CD46: variants seen among roughly 807,000 people sequenced by gnomAD.
CD46 encodes the protein CD46 molecule, also known as membrane cofactor protein.
In CD46, 30 loss-of-function variants were observed where a neutral mutation model predicts 53.3. The ratio of observed to expected loss-of-function variants is 0.56; its 90% CI spans 0.42 to 0.76. The LOEUF (loss-of-function observed/expected upper bound fraction) is 0.76, where lower values mean the gene tolerates loss of function less well. CD46 is among the 30% of genes least tolerant of loss of function. The pLI is 0.00. For missense variants in CD46, 409 were observed against 463.0 expected, an observed-to-expected ratio of 0.88 and a Z score of 1.07; for synonymous variants, 142 against 152.0, an observed-to-expected ratio of 0.93 and a Z score of 0.48.
rs1449372750 is a variant in CD46, at chr1:207,789,867, C to G, written c.1083-386C>G. On this transcript the variant is annotated intron_variant, in intron 11 of 12. Coordinates refer to ENST00000367042, the MANE Select transcript of CD46 (RefSeq NM_172351.3). The stretch of plus-strand genomic sequence containing the variant: ...TGGGCAACATAGTGAGATGCTGTGT[C>G]TTGAAAAAAAAAAAAAAAAAAAAAA... 8.8e-5 allele frequency among the ~76,000 whole-genome samples: 6 copies of G among 68,344 alleles called. No individual in the cohort carries two copies. In the Admixed American group the frequency reaches 1.5e-3, roughly 18 times the overall value. The allele number at this position is 68,344 out of a possible 152,430, so 44.8% of individuals were successfully genotyped here.
At position 207,767,663 on chromosome 1, in the gene CD46, T is replaced by A. The variant is rs369069730; in HGVS notation, c.857-116T>A. ...TTTGAGTCATTCAGGTTTAGTAGCT[T>A]CTTCCTTATATGTCTTCTTCCTTAT... On this transcript the variant is annotated intron_variant, in intron 6 of 12. Coordinates refer to ENST00000367042, the MANE Select transcript of CD46 (RefSeq NM_172351.3). 2.0e-5 allele frequency: 33 copies of A among 1,610,844 alleles called. No individual in the cohort carries two copies. In the African/African-American group the frequency reaches 3.9e-4, roughly 19 times the overall value.
intron 8 of CD46, among the ~76,000 whole-genome samples, chr1:207,781,346 A>G (rs1658715460): frequency 6.6e-6 from 1 of 151,958 alleles, no homozygotes; most frequent in African/African-American, 2.4e-5. Flanking sequence ...TTCCTTATCA[A>G]ATATATGATT....
intron 7 of CD46, chr1:207,769,882 C>G (rs1026966193): frequency 1.2e-5 from 2 of 170,564 alleles, no homozygotes; most frequent in South Asian, 2.7e-4. Context: ...CCTGCCACCT[C>G]AGACTCCCAA....
chr1:207,762,658 T>C (rs1253927707), intron 5 of CD46: 1 of 152,504 alleles, frequency 6.6e-6, no homozygotes, highest in African/African-American at 2.4e-5. Flanking sequence ...CTTTTAGAAG[T>C]TCCAGCTTTA....
rs778489685 is a variant in CD46 at position 207,793,586 on chromosome 1, G to C, written c.*109G>C. The stretch of plus-strand genomic sequence containing the variant: ...ATCAACCACTCCAGCAGAGCAGAGA[G>C]GCTGAATAGATTCCACAACCTGGTT... On this transcript the variant is annotated 3_prime_UTR_variant, in exon 13 of 13. Transcript: ENST00000367042. The C allele has an allele frequency of 6.2e-7, 1 of 1,613,662 alleles. No homozygotes were observed. Among genetic ancestry groups the C allele is most frequent in the Non-Finnish European group, 8.5e-7 (1 of 1,179,566 alleles).
At position 207,783,237 on chromosome 1, in the gene CD46, A is replaced by T. The variant is rs1658950221; in HGVS notation, c.944-55A>T. On this transcript the variant is annotated intron_variant, in intron 8 of 12. Coordinates refer to ENST00000367042, the MANE Select transcript of CD46 (RefSeq NM_172351.3). ...GAGTTTAAAGGATTTTAAGCTTTAT[A>T]TTTAATTCTTTCCTTCTTTTATTAA... The T allele has an allele frequency of 3.1e-6, 3 of 959,824 alleles. No homozygotes were observed. In the Admixed American group the frequency reaches 5.2e-5, roughly 17 times the overall value. 59.5% of individuals were successfully genotyped at this position (959,824 alleles called of 1,614,324 possible).
At chr1:207,756,524 G>A (rs988959114) in intron 1 of CD46, among the ~76,000 whole-genome samples, 7 of 152,194 alleles carry the variant, frequency 4.6e-5, no homozygotes, top group African/African-American at 1.7e-4. Context: ...CACCCACAAG[G>A]TGAGTATAGT....
At position 207,757,259 on chromosome 1, in the gene CD46, T is replaced by TG; in HGVS notation, c.286+61dup. The TG allele has an allele frequency of 2.1e-6, 3 of 1,425,408 alleles. No homozygotes were observed. The Admixed American group carries it at 5.0e-5, about 24-fold the overall frequency. 88.3% of individuals were successfully genotyped at this position (1,425,408 alleles called of 1,614,324 possible). ...TTGCTCTAGAGATTTGCATACATTT[T>TG]GGGGTACATATTCCACTACGGTGAT... On this transcript the variant is annotated intron_variant, in intron 2 of 12. Transcript: ENST00000367042.
chr1:207,772,384 A>G (rs914436069), intron 8 of CD46, among the ~76,000 whole-genome samples: 7 of 152,090 alleles, frequency 4.6e-5, no homozygotes, highest in Non-Finnish European at 1.0e-4. Context: ...CTAATTGAAT[A>G]CCCTTTATTT....
Position 207,785,068 on chromosome 1 carries a change from C to T in CD46, c.983-3C>T. ...AACATCTTGGAACTGTTTTCTTTCT[C>T]AGATGTTTGGGTCATTGCTGTGATT... On this transcript the variant is annotated splice_polypyrimidine_tract_variant and splice_region_variant and intron_variant, in intron 9 of 12. Coordinates refer to ENST00000367042, the MANE Select transcript of CD46 (RefSeq NM_172351.3). 1 of 1,611,976 alleles carries T rather than the reference C, an allele frequency of 6.2e-7. No homozygotes were observed. The highest frequency in any genetic ancestry group is 8.5e-7 in the Non-Finnish European group (1 of 1,178,256).
chr1:207,788,458 G>A (rs2102703040), intron 11 of CD46, among the ~76,000 whole-genome samples: 1 of 152,020 alleles, frequency 6.6e-6, no homozygotes, highest in Admixed American at 6.5e-5. Context: ...GGCGGAGCTT[G>A]CAGTGAGCGA....
At chr1:207,782,527 T>G (rs1267112917) in intron 8 of CD46, among the ~76,000 whole-genome samples, 1 of 152,158 alleles carries the variant, frequency 6.6e-6, no homozygotes, top group African/African-American at 2.4e-5. Context: ...CTTCATTCAT[T>G]TAACATTGAG....
chr1:207,752,093 G>C lies in CD46; in HGVS notation c.-120G>C. On this transcript the variant is annotated 5_prime_UTR_variant, in exon 1 of 13. The change abolishes an upstream ATG in the 5' untranslated region. Coordinates refer to ENST00000367042, the MANE Select transcript of CD46 (RefSeq NM_172351.3). The surrounding 1 kb of genome is among the most constrained non-coding windows in gnomAD (Gnocchi z 4.1). ...GCCCACCTGTCCTGCAGCACTGGATGCTTTGTGAGTTGGGGATTGTTGCGT... is the reference window on the plus strand; with the variant it reads ...GCCCACCTGTCCTGCAGCACTGGATCCTTTGTGAGTTGGGGATTGTTGCGT... The C allele has an allele frequency of 2.0e-6, 2 of 982,216 alleles. No homozygotes were observed. The highest frequency in any genetic ancestry group is 1.3e-5 in the South Asian group (1 of 78,454). The allele number at this position is 982,216 out of a possible 1,614,324, so 60.8% of individuals were successfully genotyped here.
intron 8 of CD46, among the ~76,000 whole-genome samples, chr1:207,778,746 G>A (rs192233966): frequency 5.3e-5 from 8 of 151,968 alleles, no homozygotes; most frequent in Non-Finnish European, 7.4e-5. Context: ...TTCTTTTTGC[G>A]TAAGATTTTC....
intron 8 of CD46, among the ~76,000 whole-genome samples, chr1:207,775,628 G>A (rs573061259): frequency 1.0e-3 from 155 of 152,256 alleles, no homozygotes; most frequent in African/African-American, 3.4e-3. Context: ...CTCAGCTGCA[G>A]GTGTGTTGGA....
intron 10 of CD46, 137 bp from the exon 11 acceptor site, chr1:207,785,482 A>C (rs868282017): frequency 1.1e-5 from 8 of 753,468 alleles, no homozygotes; most frequent in Middle Eastern, 3.6e-4. Flanking sequence ...AAGAGTCTGG[A>C]TGGAATATAA....
chr1:207,785,586 A>G (rs1437031766), intron 10 of CD46, 33 bp from the exon 11 acceptor site: 2 of 1,496,936 alleles, frequency 1.3e-6, no homozygotes, highest in South Asian at 1.1e-5. Flanking sequence ...AGTTTTCAGA[A>G]TTATATGTCA....
At chr1:207,782,377 CAG>C (rs981937979) in intron 8 of CD46, among the ~76,000 whole-genome samples, 2 of 152,214 alleles carry the variant, frequency 1.3e-5, no homozygotes, top group African/African-American at 4.8e-5. Flanking sequence ...CATCTGCAAA[CAG>C]AGCGAATTTT....
At chr1:207,779,784 T>C (rs1478887126) in intron 8 of CD46, among the ~76,000 whole-genome samples, 1 of 152,114 alleles carries the variant, frequency 6.6e-6, no homozygotes, top group Non-Finnish European at 1.5e-5. Context: ...CACCATTTTT[T>C]GAATAAGTTG....
Sources: allele counts gnomAD v4.1 joint callset (sites outside exome capture counted in the v4.1 genomes callset), GRCh38; gene constraint gnomAD v4.1.1; non-coding constraint Gnocchi (gnomAD v3.1); transcripts MANE v1.5; gene names NCBI Gene and HGNC (gene_info 2026-07-23, HGNC 2026-07-21).